The following APBA1 variants were observed in gnomAD, a reference collection of about 807,000 sequenced individuals.
APBA1 encodes the protein amyloid-beta A4 precursor protein-binding family A member 1.
Under a neutral mutation model 86.6 loss-of-function variants are expected in APBA1, and 55 were observed. The ratio of observed to expected loss-of-function variants is 0.64; its 90% confidence interval spans 0.51 to 0.80. The LOEUF (loss-of-function observed/expected upper bound fraction) is 0.80, where lower values mean the gene tolerates loss of function less well. Among genes scored for constraint, APBA1 ranks in the 30% least tolerant of loss-of-function variants. The pLI is 0.00. For synonymous variants in APBA1, 511 were observed against 493.9 expected (o/e 1.03, Z -0.46); for missense variants, 1,090 against 1,183.0 (o/e 0.92, Z 1.15).
intron 1 of APBA1, among the ~76,000 whole-genome samples, chr9:69,523,198 G>T (rs1022472458): frequency 6.6e-6 from 1 of 151,980 alleles, no homozygotes; most frequent in Non-Finnish European, 1.5e-5. Flanking sequence ...TTGATAGAAG[G>T]GGAGGCTGTA....
intron 1 of APBA1, among the ~76,000 whole-genome samples, chr9:69,545,144 T>C (rs1836677732): frequency 6.6e-6 from 1 of 152,246 alleles, no homozygotes; most frequent in Non-Finnish European, 1.5e-5. Flanking sequence ...CTGGGCTGGT[T>C]TCATGAATGG....
At chr9:69,646,432 G>A (rs1015500324) in intron 1 of APBA1, among the ~76,000 whole-genome samples, 1 of 152,148 alleles carries the variant, frequency 6.6e-6, no homozygotes, top group Non-Finnish European at 1.5e-5. Flanking sequence ...CATTTTAGGA[G>A]CAACTTCCTT....
rs766281107 is a variant in APBA1 at position 69,516,119 on chromosome 9, G to A, written c.1092C>T (p.Thr364=). 3.7e-6 allele frequency: 6 copies of A among 1,613,576 alleles called. No individual in the cohort carries two copies. The East Asian group carries it at 1.3e-4, about 36-fold the overall frequency. Residue 364 remains threonine, a synonymous_variant, in exon 2 of 13, where the codon ACC becomes ACT. Transcript: ENST00000265381. The surrounding 1 kb of genome is among the most constrained non-coding windows in gnomAD (Gnocchi z 7.3). The stretch of plus-strand genomic sequence containing the variant: ...CGTCGGGGGTGTAAGGCGAACGGAT[G>A]GTCCTGGTTTTCACCTCCTCGATGG... ...KEAIEEVKTR[T]IRSPYTPDEP...
At chr9:69,537,042 G>GATT in intron 1 of APBA1, among the ~76,000 whole-genome samples, 1 of 147,578 alleles carries the variant, frequency 6.8e-6, no homozygotes, top group Middle Eastern at 3.6e-3. Context: ...TACGCACTAA[G>GATT]ATATATATAT....
At chr9:69,529,041 T>G (rs961257334) in intron 1 of APBA1, among the ~76,000 whole-genome samples, 3 of 152,214 alleles carry the variant, frequency 2.0e-5, no homozygotes, top group African/African-American at 7.2e-5. Flanking sequence ...TTCTGTAGCT[T>G]CTTCTAGCAT....
At chr9:69,489,435 T>C (rs2133857526) in intron 2 of APBA1, among the ~76,000 whole-genome samples, 1 of 152,246 alleles carries the variant, frequency 6.6e-6, no homozygotes, top group East Asian at 1.9e-4. Context: ...TGTAGAAACC[T>C]GAAACTGGAT....
chr9:69,432,495 C>A (rs185642970), intron 12 of APBA1, 41 bp downstream of exon 12: 16 of 1,451,554 alleles, frequency 1.1e-5, no homozygotes, highest in African/African-American at 1.4e-5. Context: ...GGGCACCAGA[C>A]GCGGCCCTCA....
At chr9:69,632,977 C>A (rs973600121) in intron 1 of APBA1, among the ~76,000 whole-genome samples, 1 of 151,928 alleles carries the variant, frequency 6.6e-6, no homozygotes, top group Non-Finnish European at 1.5e-5. Flanking sequence ...AGCTCCCCCC[C>A]TGCTGGGTCA....
chr9:69,574,652 T>C (rs1014309229), intron 1 of APBA1, among the ~76,000 whole-genome samples: 21 of 152,284 alleles, frequency 1.4e-4, no homozygotes, highest in African/African-American at 4.1e-4. Flanking sequence ...TTAGGTAATA[T>C]AAAAAGCATT....
At chr9:69,637,245 G>A (rs1823198294) in intron 1 of APBA1, among the ~76,000 whole-genome samples, 1 of 152,068 alleles carries the variant, frequency 6.6e-6, no homozygotes, top group Non-Finnish European at 1.5e-5. Flanking sequence ...GATGAAGTAG[G>A]GATGATTAAT....
intron 4 of APBA1, among the ~76,000 whole-genome samples, chr9:69,468,437 A>G (rs371922269): frequency 6.6e-6 from 1 of 150,444 alleles, no homozygotes; most frequent in African/African-American, 2.5e-5. Context: ...GCCCCCCCCC[A>G]TTCATATCTC....
chr9:69,437,508 G>C (rs1834749904), intron 11 of APBA1, among the ~76,000 whole-genome samples: 1 of 110,756 alleles, frequency 9.0e-6, no homozygotes, highest in South Asian at 3.6e-4. Flanking sequence ...AGTCTTGGGA[G>C]GGTGTATGTG....
chr9:69,511,661 T>C (rs1044276689), intron 2 of APBA1, among the ~76,000 whole-genome samples: 28 of 151,910 alleles, frequency 1.8e-4, no homozygotes, highest in Non-Finnish European at 3.8e-4. Context: ...TAGCAAAGAC[T>C]TGGAACCAAC....
At chr9:69,558,268 A>G (rs962884744) in intron 1 of APBA1, among the ~76,000 whole-genome samples, 2 of 152,164 alleles carry the variant, frequency 1.3e-5, no homozygotes, top group African/African-American at 4.8e-5. Flanking sequence ...TATAAATAGC[A>G]TGGAGGAATC....
intron 2 of APBA1, among the ~76,000 whole-genome samples, chr9:69,481,331 C>G (rs1835504122): frequency 6.6e-6 from 1 of 152,038 alleles, no homozygotes; most frequent in Admixed American, 6.5e-5. Flanking sequence ...ACACCAACAA[C>G]AGACAAACAG....
intron 11 of APBA1, among the ~76,000 whole-genome samples, chr9:69,439,224 T>C (rs867129708): frequency 3.5e-4 from 43 of 124,218 alleles, no homozygotes; most frequent in African/African-American, 1.3e-3. Context: ...TTTTCCTTCA[T>C]TTCAACTTTG....
chr9:69,466,318 G>A (rs564672267), intron 5 of APBA1, among the ~76,000 whole-genome samples: 1 of 152,294 alleles, frequency 6.6e-6, no homozygotes, highest in East Asian at 1.9e-4. Flanking sequence ...TATTTACGGT[G>A]TTGGTGATGG....
chr9:69,659,891 C>T (rs957374642), intron 1 of APBA1, among the ~76,000 whole-genome samples: 5 of 152,170 alleles, frequency 3.3e-5, no homozygotes, highest in African/African-American at 1.2e-4. Flanking sequence ...CTTAAGCACT[C>T]AACAGAAAGC....
chr9:69,477,086 G>A (rs867616230), intron 2 of APBA1, among the ~76,000 whole-genome samples: 18 of 152,354 alleles, frequency 1.2e-4, no homozygotes, highest in African/African-American at 4.1e-4. Context: ...CCACAGAGAT[G>A]CTTAAGAATT....
Sources: allele counts gnomAD v4.1 joint callset (sites outside exome capture counted in the v4.1 genomes callset), GRCh38; gene constraint gnomAD v4.1.1; non-coding constraint Gnocchi (gnomAD v3.1); transcripts MANE v1.5; gene names NCBI Gene and HGNC (gene_info 2026-07-23, HGNC 2026-07-21).